USP30: variants seen among roughly 807,000 people sequenced by gnomAD.
USP30 encodes ubiquitin carboxyl-terminal hydrolase 30.
USP30 carries 41 observed loss-of-function variants against 68.2 expected under a neutral mutation model. The observed-to-expected ratio is 0.60, with a 90% CI of 0.47 to 0.78. The LOEUF (loss-of-function observed/expected upper bound fraction) is 0.78. Ranked by LOEUF, USP30 falls within the 30% of genes least tolerant of loss-of-function variation. The pLI, the probability that USP30 is intolerant of heterozygous loss-of-function variation, is 0.00. For synonymous variants in USP30, 229 were observed against 253.7 expected (o/e 0.90, Z 0.93); for missense variants, 522 against 649.4 (o/e 0.80, Z 2.13).
At chr12:109,073,209 C>T (rs191033174) in intron 6 of USP30, among the ~76,000 whole-genome samples, 1 of 152,318 alleles carries the variant, frequency 6.6e-6, no homozygotes, top group East Asian at 1.9e-4. Context: ...AAATGTGGCT[C>T]TACCCATTAT....
chr12:109,027,768 G>A (rs111643555), intron 3 of USP30, among the ~76,000 whole-genome samples: 1,911 of 152,194 alleles, frequency 0.013, 32 homozygotes, highest in South Asian at 0.057. Flanking sequence ...TAGGTATATG[G>A]CACATTTTGT....
At chr12:109,052,964 G>A in intron 1 of USP30, 1 of 457,084 alleles carries the variant, frequency 2.2e-6, no homozygotes, top group East Asian at 3.6e-5. Context: ...CACCAATTCT[G>A]TCTGCACTCC....
At chr12:109,071,779 G>A (rs992159286) in intron 5 of USP30, 69 bp downstream of exon 5, 4 of 1,382,256 alleles carry the variant, frequency 2.9e-6, no homozygotes, top group African/African-American at 1.4e-5. Flanking sequence ...GGGGAGGCAA[G>A]TGTAATCTTT....
At chr12:109,069,485 T>G (rs1224205894) in intron 4 of USP30, among the ~76,000 whole-genome samples, 1 of 152,250 alleles carries the variant, frequency 6.6e-6, no homozygotes, top group Non-Finnish European at 1.5e-5. Flanking sequence ...TCTTTGAATC[T>G]CTACTTCCAC....
At chr12:109,085,602 T>C in intron 12 of USP30, 65 bp from the exon 13 acceptor site, 1 of 1,575,772 alleles carries the variant, frequency 6.3e-7, no homozygotes, top group East Asian at 2.2e-5. Flanking sequence ...AGCATTCTTT[T>C]GTTTTTGCCT....
At chr12:109,023,866 C>A (rs2040425279) in intron 1 of USP30, among the ~76,000 whole-genome samples, 1 of 151,608 alleles carries the variant, frequency 6.6e-6, no homozygotes, top group African/African-American at 2.4e-5. Context: ...AACTCCTGAC[C>A]TTGTGATCCA....
intron 11 of USP30, 85 bp downstream of exon 11, chr12:109,083,147 T>C (rs538757846): frequency 3.7e-6 from 5 of 1,352,900 alleles, no homozygotes; most frequent in Middle Eastern, 4.2e-4. Flanking sequence ...GGGTCCCTTA[T>C]GACAGGAGCA....
intron 3 of USP30, among the ~76,000 whole-genome samples, chr12:109,045,135 T>C (rs961618966): frequency 5.3e-5 from 8 of 151,994 alleles, no homozygotes; most frequent in African/African-American, 1.2e-4. Flanking sequence ...TGTACTACCA[T>C]GCCTGGCTAA....
At chr12:109,065,331 A>G (rs1212699732) in intron 3 of USP30, among the ~76,000 whole-genome samples, 1 of 152,220 alleles carries the variant, frequency 6.6e-6, no homozygotes, top group Non-Finnish European at 1.5e-5. Context: ...AATCCAGCCC[A>G]CCACCTGTTT....
intron 9 of USP30, 77 bp downstream of exon 9, chr12:109,082,096 G>A: frequency 6.8e-7 from 1 of 1,473,876 alleles, no homozygotes; most frequent in South Asian, 1.1e-5. Flanking sequence ...CAGTGACCCT[G>A]AGCTCTTCTG....
At chr12:109,050,111 T>C (rs558510996), upstream of USP30, among the ~76,000 whole-genome samples, 1 of 152,178 alleles carries the variant, frequency 6.6e-6, no homozygotes, top group Non-Finnish European at 1.5e-5. Flanking sequence ...CTGGCCAATA[T>C]GGTGAAACCC....
chr12:109,058,027 T>A lies in USP30; in HGVS notation c.295T>A (p.Phe99Ile), dbSNP rs768673198. ...TGCTTTCATCAGGTGGCTGGAAGAG[T>A]TCACCTCCCAGTACTCCAGGGATCA... ...CPAFIRWLEEFTSQYSRDQKE... is the reference protein window; with the variant it reads ...CPAFIRWLEEITSQYSRDQKE... Residue 99 changes from phenylalanine (F) to isoleucine (I), a missense_variant, in exon 3 of 13, where the codon TTC (phenylalanine) becomes ATC (isoleucine). Phe to Ile is a conservative substitution (Grantham distance 21). Coordinates refer to ENST00000257548, the MANE Select transcript of USP30 (RefSeq NM_032663.5). The A allele has an allele frequency of 3.1e-6, 5 of 1,614,006 alleles. No homozygotes were observed. In the Admixed American group the frequency reaches 8.3e-5, roughly 27 times the overall value.
chr12:109,055,815 TAAAA>T (rs779280314), intron 1 of USP30, among the ~76,000 whole-genome samples: 1 of 129,598 alleles, frequency 7.7e-6, no homozygotes, highest in African/African-American at 2.9e-5. Flanking sequence ...CCCAGTGCAT[TAAAA>T]AAAAAAAAAA....
intron 3 of USP30, among the ~76,000 whole-genome samples, chr12:109,037,899 C>T (rs4309234): frequency 0.8 from 121,466 of 152,020 alleles, 48,803 homozygotes; most frequent in East Asian, 1. Context: ...CTCAGGTTTA[C>T]CCTGAGCATG....
chr12:109,064,979 G>A (rs58002320), intron 3 of USP30, among the ~76,000 whole-genome samples: 5,364 of 152,126 alleles, frequency 0.035, 300 homozygotes, highest in African/African-American at 0.12. Context: ...TAGCCCCAGG[G>A]TATATACACA....
At chr12:109,078,145 G>C (rs1431607942) in intron 7 of USP30, among the ~76,000 whole-genome samples, 19 of 152,188 alleles carry the variant, frequency 1.2e-4, no homozygotes, top group Non-Finnish European at 2.2e-4. Flanking sequence ...AGCTGCACCA[G>C]CCAGGTGCTG....
intron 3 of USP30, among the ~76,000 whole-genome samples, chr12:109,047,090 C>T (rs1459649198): frequency 6.6e-6 from 1 of 152,156 alleles, no homozygotes; most frequent in Non-Finnish European, 1.5e-5. Context: ...AGTTCAACAC[C>T]TGTGGTCCCA....
intron 2 of USP30, 26 bp downstream of exon 2, chr12:109,056,817 G>A (rs370330131): frequency 6.5e-7 from 1 of 1,539,892 alleles, no homozygotes; most frequent in African/African-American, 1.4e-5. Flanking sequence ...CTGCATCATG[G>A]TCTGTAGACT....
intron 3 of USP30, among the ~76,000 whole-genome samples, chr12:109,030,084 C>A (rs1022498642): frequency 2.0e-5 from 3 of 152,156 alleles, no homozygotes; most frequent in Non-Finnish European, 4.4e-5. Flanking sequence ...GCAAGTTACG[C>A]TGTAAGATTA....
Sources: gnomAD v4.1 joint callset for allele counts (sites outside exome capture counted in the v4.1 genomes callset) on GRCh38, gnomAD v4.1.1 for gene constraint, MANE v1.5 for transcripts, NCBI Gene and HGNC (gene_info 2026-07-23, HGNC 2026-07-21) for gene names.